SGCZ: variants seen among roughly 807,000 people sequenced by gnomAD.
SGCZ encodes the protein zeta-sarcoglycan.
SGCZ carries 40 observed loss-of-function variants against 41.3 expected under a neutral mutation model. That is an observed-to-expected ratio of 0.97 (90% CI 0.75 to 1.26). SGCZ has a LOEUF of 1.26. Among genes scored for constraint, SGCZ ranks in the 50% most tolerant of loss-of-function variants. The probability of loss-of-function intolerance (pLI) is 0.00; values close to 1 mark genes in which losing one functional copy is unlikely to be tolerated. For missense variants in SGCZ, 552 were observed against 369.8 expected (o/e 1.49, Z -4.04); for synonymous variants, 206 against 137.5 (o/e 1.50, Z -3.49).
intron 1 of SGCZ, among the ~76,000 whole-genome samples, chr8:14,661,536 T>C (rs1251798525): frequency 1.3e-5 from 2 of 152,204 alleles, no homozygotes; most frequent in Non-Finnish European, 2.9e-5. Flanking sequence ...CATGAACATA[T>C]GTTTTAGGTT....
At chr8:15,218,017 C>G (rs73535898) in intron 1 of SGCZ, among the ~76,000 whole-genome samples, 4,192 of 152,144 alleles carry the variant, frequency 0.028, 193 homozygotes, top group African/African-American at 0.094. Context: ...CCCTGGGAGG[C>G]GGAGATTCCT....
chr8:15,193,855 A>T (rs1486860248), intron 1 of SGCZ, among the ~76,000 whole-genome samples: 4 of 152,244 alleles, frequency 2.6e-5, no homozygotes, highest in Admixed American at 6.5e-5. Flanking sequence ...CTTATTTTTT[A>T]CATTTATAAC....
At chr8:14,254,718 C>G (rs1053475792) in intron 3 of SGCZ, among the ~76,000 whole-genome samples, 2 of 151,704 alleles carry the variant, frequency 1.3e-5, no homozygotes, top group African/African-American at 4.8e-5. Flanking sequence ...GCATACTTAC[C>G]ATTTTAGAAT....
intron 1 of SGCZ, among the ~76,000 whole-genome samples, chr8:14,834,154 T>G (rs930483085): frequency 3.3e-5 from 5 of 152,138 alleles, no homozygotes; most frequent in African/African-American, 1.2e-4. Context: ...CATTGTAAAT[T>G]GGTATTTTGT....
chr8:14,229,434 C>T (rs1806484657), intron 4 of SGCZ, among the ~76,000 whole-genome samples: 3 of 151,972 alleles, frequency 2.0e-5, no homozygotes, highest in Non-Finnish European at 4.4e-5. Flanking sequence ...CTTCAACTTA[C>T]AATTTCCTCA....
chr8:15,220,017 C>G (rs1405509292), intron 1 of SGCZ, among the ~76,000 whole-genome samples: 1 of 152,120 alleles, frequency 6.6e-6, no homozygotes, highest in Non-Finnish European at 1.5e-5. Context: ...ATTGTTCTAA[C>G]AATGCCTTTG....
chr8:15,045,692 G>T (rs1468795403), intron 1 of SGCZ, among the ~76,000 whole-genome samples: 1 of 152,006 alleles, frequency 6.6e-6, no homozygotes, highest in African/African-American at 2.4e-5. Context: ...CCCGTGTTCT[G>T]CTACACTGAC....
chr8:14,364,761 A>G (rs1371625836), intron 2 of SGCZ, among the ~76,000 whole-genome samples: 1 of 151,942 alleles, frequency 6.6e-6, no homozygotes, highest in East Asian at 1.9e-4. Flanking sequence ...GTTTATTATC[A>G]TTTGCTCATT....
intron 1 of SGCZ, among the ~76,000 whole-genome samples, chr8:14,840,931 G>C (rs572688769): frequency 1.3e-5 from 2 of 152,008 alleles, no homozygotes; most frequent in East Asian, 3.9e-4. Context: ...CTCTACTATA[G>C]CTTATTACAT....
rs114943665 is a variant in SGCZ at position 14,953,437 on chromosome 8, C to T, written c.39+284148G>A. Among the ~76,000 whole-genome samples, 1,164 of 152,238 alleles carry T rather than the reference C, an allele frequency of 7.6e-3. 12 individuals are homozygous for T. Among genetic ancestry groups the T allele is most frequent in the African/African-American group, 0.026 (1,091 of 41,522 alleles). Reference sequence around the variant, plus strand: ...TCCCCCAAAACTGGGAATTACAATTCGACATGAGATTTGGGTGGGGACTCA... The same window carrying T: ...TCCCCCAAAACTGGGAATTACAATTTGACATGAGATTTGGGTGGGGACTCA... On this transcript the variant is annotated intron_variant, in intron 1 of 7. Transcript: ENST00000382080.
chr8:14,902,476 T>G (rs1799000252), intron 1 of SGCZ, among the ~76,000 whole-genome samples: 1 of 152,130 alleles, frequency 6.6e-6, no homozygotes, highest in Non-Finnish European at 1.5e-5. Flanking sequence ...AAATCAAGCA[T>G]CAGAAACTAT....
chr8:14,344,149 T>A (rs916955200), intron 2 of SGCZ, among the ~76,000 whole-genome samples: 1 of 152,084 alleles, frequency 6.6e-6, no homozygotes, highest in Non-Finnish European at 1.5e-5. Context: ...AATAAGATGT[T>A]TCATTCACAA....
intron 2 of SGCZ, among the ~76,000 whole-genome samples, chr8:14,434,511 G>C (rs1185951269): frequency 6.6e-6 from 1 of 152,150 alleles, no homozygotes; most frequent in Middle Eastern, 3.2e-3. Context: ...AAGAATGGTA[G>C]TGGTATTTTG....
Position 14,390,385 on chromosome 8 carries a change from A to C in SGCZ, c.235-66181T>G, listed in dbSNP as rs540174771. Among the ~76,000 whole-genome samples the C allele has an allele frequency of 3.0e-3, 452 of 152,016 alleles. 4 individuals are homozygous for C. The highest frequency in any genetic ancestry group is 0.01 in the African/African-American group (429 of 41,558). Reference sequence around the variant, plus strand: ...GTTCTAATAATTGTAATAATAAATCAGTTCATAAGAAAAAATCATGTTTAG... The same window carrying C: ...GTTCTAATAATTGTAATAATAAATCCGTTCATAAGAAAAAATCATGTTTAG... On this transcript the variant is annotated intron_variant, in intron 2 of 7. Coordinates refer to ENST00000382080, the MANE Select transcript of SGCZ (RefSeq NM_139167.4).
chr8:14,480,505 C>T (rs1261813781), intron 2 of SGCZ, among the ~76,000 whole-genome samples: 2 of 152,174 alleles, frequency 1.3e-5, no homozygotes, highest in Non-Finnish European at 2.9e-5. Flanking sequence ...CTTAAATCCA[C>T]TTTCATGACT....
At chr8:14,513,442 A>G (rs578223117) in intron 2 of SGCZ, among the ~76,000 whole-genome samples, 2 of 152,146 alleles carry the variant, frequency 1.3e-5, no homozygotes, top group South Asian at 4.1e-4. Context: ...TCACAAGTCC[A>G]TAGAGTTTAT....
At chr8:15,028,361 GTTGAAGT>G (rs1309089604) in intron 1 of SGCZ, among the ~76,000 whole-genome samples, 8 of 152,116 alleles carry the variant, frequency 5.3e-5, no homozygotes, top group African/African-American at 9.6e-5. Flanking sequence ...GTCTTTCTAA[GTTGAAGT>G]CAGTTTCATA....
At chr8:14,924,622 T>C (rs1799689133) in intron 1 of SGCZ, among the ~76,000 whole-genome samples, 1 of 152,140 alleles carries the variant, frequency 6.6e-6, no homozygotes, top group African/African-American at 2.4e-5. Flanking sequence ...CTAGTGTTCA[T>C]GGTGGGCAAT....
chr8:14,863,979 A>G (rs1291042368), intron 1 of SGCZ, among the ~76,000 whole-genome samples: 1 of 152,188 alleles, frequency 6.6e-6, no homozygotes, highest in East Asian at 1.9e-4. Flanking sequence ...AGAAATTACT[A>G]ACTATTCATA....
Sources: allele counts gnomAD v4.1 joint callset (sites outside exome capture counted in the v4.1 genomes callset), GRCh38; gene constraint gnomAD v4.1.1; transcripts MANE v1.5; gene names NCBI Gene and HGNC (gene_info 2026-07-23, HGNC 2026-07-21).